The following CPNE4 variants were observed in gnomAD, a reference collection of about 807,000 sequenced individuals.
The protein encoded by CPNE4 is copine 4.
CPNE4 carries 25 observed loss-of-function variants against 67.9 expected under a neutral mutation model. The observed-to-expected ratio is 0.37, with a 90% CI of 0.27 to 0.51. The LOEUF (loss-of-function observed/expected upper bound fraction) is 0.51, where lower values mean the gene tolerates loss of function less well. Among genes scored for constraint, CPNE4 ranks in the 20% least tolerant of loss-of-function variants. CPNE4 has a pLI of 0.93. For missense variants in CPNE4, 464 were observed against 690.8 expected (o/e 0.67, Z 3.68); for synonymous variants, 242 against 244.9 (o/e 0.99, Z 0.11).
At chr3:131,987,435 G>A (rs2073081187) in intron 1 of CPNE4, among the ~76,000 whole-genome samples, 1 of 149,630 alleles carries the variant, frequency 6.7e-6, no homozygotes, top group Non-Finnish European at 1.5e-5. Context: ...CACACAGGCT[G>A]CAGGGCAATG....
intron 3 of CPNE4, among the ~76,000 whole-genome samples, chr3:131,701,548 C>G (rs1391297896): frequency 6.6e-6 from 1 of 152,204 alleles, no homozygotes; most frequent in Non-Finnish European, 1.5e-5. Flanking sequence ...CTTTCTCTCT[C>G]TCAGAGCCTT....
At position 131,901,501 on chromosome 3, in the gene CPNE4, A is replaced by G. The variant is rs142381951; in HGVS notation, c.180+3763T>C. Among the ~76,000 whole-genome samples the G allele has an allele frequency of 6.3e-3, 963 of 152,148 alleles. 11 individuals are homozygous for G. The highest frequency in any genetic ancestry group is 0.022 in the African/African-American group (905 of 41,530). On this transcript the variant is annotated intron_variant, in intron 2 of 15. Coordinates refer to ENST00000429747, the MANE Select transcript of CPNE4 (RefSeq NM_130808.3). ...TTTTTTTCTTCCCTCTTTTCTGTCA[A>G]TAAAAATCATGGCCATTATTAAAGA...
chr3:131,586,898 G>T (rs913407834), intron 8 of CPNE4, among the ~76,000 whole-genome samples: 7 of 152,124 alleles, frequency 4.6e-5, no homozygotes, highest in African/African-American at 1.7e-4. Flanking sequence ...GGCATCAAAT[G>T]TGTAAGAGTA....
intron 2 of CPNE4, among the ~76,000 whole-genome samples, chr3:131,893,581 A>C (rs1291488181): frequency 3.9e-5 from 6 of 152,022 alleles, no homozygotes; most frequent in African/African-American, 1.4e-4. Context: ...TAGGCCATAA[A>C]ACAAGCCTTA....
At chr3:131,948,229 G>A (rs926354542) in intron 1 of CPNE4, among the ~76,000 whole-genome samples, 2 of 152,114 alleles carry the variant, frequency 1.3e-5, no homozygotes, top group Admixed American at 6.5e-5. Flanking sequence ...TCAGGACCAC[G>A]TGGAGGTAAT....
At chr3:131,763,099 C>T (rs530496275) in intron 2 of CPNE4, among the ~76,000 whole-genome samples, 2 of 152,116 alleles carry the variant, frequency 1.3e-5, no homozygotes, top group Admixed American at 6.6e-5. Context: ...ATTTATATTT[C>T]CCCCAAGAAG....
intron 1 of CPNE4, among the ~76,000 whole-genome samples, chr3:131,934,588 A>G (rs1198489011): frequency 6.6e-6 from 1 of 151,802 alleles, no homozygotes; most frequent in Non-Finnish European, 1.5e-5. Flanking sequence ...GACAGGCCCC[A>G]GTGTGTGATG....
chr3:131,915,075 T>C (rs1454389082), intron 1 of CPNE4, among the ~76,000 whole-genome samples: 1 of 152,244 alleles, frequency 6.6e-6, no homozygotes, highest in Non-Finnish European at 1.5e-5. Flanking sequence ...AGACAACTTC[T>C]TGAGATCAGT....
chr3:131,658,821 A>T (rs558622680), intron 7 of CPNE4, among the ~76,000 whole-genome samples: 1 of 152,128 alleles, frequency 6.6e-6, no homozygotes, highest in Non-Finnish European at 1.5e-5. Context: ...TTATTTGATG[A>T]TTCTACTGAC....
At chr3:131,608,387 G>A (rs1939628442) in intron 7 of CPNE4, among the ~76,000 whole-genome samples, 2 of 152,108 alleles carry the variant, frequency 1.3e-5, no homozygotes, top group East Asian at 1.9e-4. Context: ...GAAAGCCAGT[G>A]AAGGACTTAC....
intron 3 of CPNE4, among the ~76,000 whole-genome samples, chr3:131,711,100 AG>A (rs1449868970): frequency 1.3e-5 from 2 of 152,228 alleles, no homozygotes; most frequent in East Asian, 3.8e-4. Context: ...TTTGAAAGTG[AG>A]AGGGAACAGT....
intron 7 of CPNE4, among the ~76,000 whole-genome samples, chr3:131,659,121 T>A (rs12489762): frequency 0.9 from 136,501 of 152,178 alleles, 61,366 homozygotes; most frequent in East Asian, 0.97. Flanking sequence ...CTATAGAGTA[T>A]CTCATATTAA....
At chr3:132,004,479 G>A (rs2073535761) in intron 1 of CPNE4, among the ~76,000 whole-genome samples, 1 of 151,878 alleles carries the variant, frequency 6.6e-6, no homozygotes, top group Non-Finnish European at 1.5e-5. Context: ...GAGAAATTTG[G>A]GATCATAATG....
chr3:131,660,343 G>A (rs551212483), intron 7 of CPNE4, among the ~76,000 whole-genome samples: 1 of 107,414 alleles, frequency 9.3e-6, no homozygotes, highest in African/African-American at 3.0e-5. Flanking sequence ...AGGCAGAGGA[G>A]GGGTCCCATT....
intron 1 of CPNE4, among the ~76,000 whole-genome samples, chr3:132,005,833 T>C (rs890340083): frequency 6.6e-6 from 1 of 151,972 alleles, no homozygotes; most frequent in East Asian, 1.9e-4. Context: ...CAAACCCATA[T>C]TGTTCAAGGG....
chr3:131,880,223 C>G (rs1326460451), intron 2 of CPNE4, among the ~76,000 whole-genome samples: 1 of 151,340 alleles, frequency 6.6e-6, no homozygotes, highest in Non-Finnish European at 1.5e-5. Context: ...TCACGCCATT[C>G]TCCTGCCTCA....
At chr3:131,817,300 G>A (rs2084782126) in intron 2 of CPNE4, among the ~76,000 whole-genome samples, 1 of 152,214 alleles carries the variant, frequency 6.6e-6, no homozygotes, top group South Asian at 2.1e-4. Flanking sequence ...GCTTAAAGGA[G>A]AGGAGGGAGT....
intron 1 of CPNE4, among the ~76,000 whole-genome samples, chr3:131,976,571 CAA>C (rs770337435): frequency 6.6e-6 from 1 of 151,788 alleles, no homozygotes; most frequent in Non-Finnish European, 1.5e-5. Context: ...CATCTAGCAT[CAA>C]CACACAAGAG....
At chr3:132,038,384 G>T (rs1195220268), upstream of CPNE4, among the ~76,000 whole-genome samples, 1 of 133,204 alleles carries the variant, frequency 7.5e-6, no homozygotes, top group Non-Finnish European at 1.7e-5. Flanking sequence ...CTCTAACATT[G>T]GGTAACAACC....
Sources: allele counts gnomAD v4.1 joint callset (sites outside exome capture counted in the v4.1 genomes callset), GRCh38; gene constraint gnomAD v4.1.1; transcripts MANE v1.5; gene names NCBI Gene and HGNC (gene_info 2026-07-23, HGNC 2026-07-21).